The following RRP12 variants were observed in gnomAD, a reference collection of about 807,000 sequenced individuals.
The protein encoded by RRP12 is RRP12-like protein.
Under a neutral mutation model 157.3 loss-of-function variants are expected in RRP12, and 78 were observed. The ratio of observed to expected loss-of-function variants is 0.50; its 90% CI spans 0.41 to 0.60. RRP12 has a LOEUF of 0.60. Ranked by LOEUF, RRP12 falls within the 20% of genes least tolerant of loss-of-function variation. The pLI, the probability that RRP12 is intolerant of heterozygous loss-of-function variation, is 0.00. For synonymous variants in RRP12, 726 were observed against 670.9 expected (o/e 1.08, Z -1.27); for missense variants, 1,521 against 1,679.9 (o/e 0.91, Z 1.65).
chr10:97,377,678 A>C (rs1234219006), intron 15 of RRP12, among the ~76,000 whole-genome samples: 18 of 151,500 alleles, frequency 1.2e-4, no homozygotes, highest in Non-Finnish European at 1.9e-4. Context: ...AACCCCATCT[A>C]TACTAAAAAT....
chr10:97,372,117 C>T lies in RRP12; in HGVS notation c.2299G>A (p.Ala767Thr), dbSNP rs1420551918. Residue 767 changes from alanine (A) to threonine (T), a missense_variant, in exon 20 of 34, where the codon GCT (alanine) becomes ACT (threonine). Transcript: ENST00000370992. ...VVALAPCADE[A>T]AISKLYSTIR... ...GTGGAGTATAGCTTACTGATGGCAG[C>T]TTCGTCAGCACACGGAGCCAAGGCC... The T allele has an allele frequency of 6.2e-7, 1 of 1,613,652 alleles. No homozygotes were observed. Among genetic ancestry groups the T allele is most frequent in the African/African-American group, 1.3e-5 (1 of 74,932 alleles).
At chr10:97,360,420 T>C (rs1843811522) in intron 31 of RRP12, 126 bp downstream of exon 31, 1 of 744,426 alleles carries the variant, frequency 1.3e-6, no homozygotes, top group Non-Finnish European at 2.4e-6. Context: ...CCAACCTCTG[T>C]TGGTGCCAAG....
rs1421309742 is a variant in RRP12 at position 97,401,293 on chromosome 10, G to T, written c.-62C>A. On this transcript the variant is annotated 5_prime_UTR_variant, in exon 1 of 34. Transcript: ENST00000370992. ...CCGGCTTCCAGGGACGTAGAAACAC[G>T]CTCAGAACCCACGTGGATACCCTGT... 4.4e-6 allele frequency: 7 copies of T among 1,602,702 alleles called. No individual in the cohort carries two copies. The highest frequency in any genetic ancestry group is 2.7e-5 in the African/African-American group (2 of 74,702).
chr10:97,399,904 C>T (rs1314955401), intron 2 of RRP12, among the ~76,000 whole-genome samples: 2 of 152,040 alleles, frequency 1.3e-5, no homozygotes, highest in East Asian at 1.9e-4. Flanking sequence ...GCCAACAGAA[C>T]GAGACTCTGT....
intron 20 of RRP12, chr10:97,371,549 A>G (rs1173914289): frequency 5.1e-6 from 1 of 196,072 alleles, no homozygotes; most frequent in African/African-American, 2.3e-5. Context: ...GCCCCAGAGC[A>G]CTTCTCACAC....
At chr10:97,384,798 C>T (rs554396653) in intron 10 of RRP12, among the ~76,000 whole-genome samples, 87 of 150,512 alleles carry the variant, frequency 5.8e-4, no homozygotes, top group African/African-American at 2.0e-3. Flanking sequence ...GCAGCCTGGA[C>T]AGAGGCTCTG....
intron 29 of RRP12, chr10:97,365,907 A>G (rs775614799): frequency 2.8e-4 from 181 of 645,974 alleles, no homozygotes; most frequent in Non-Finnish European, 4.3e-4. Flanking sequence ...TAAGTTAAAT[A>G]TGTATTGTAT....
At chr10:97,371,924 C>T (rs1424297462) in intron 20 of RRP12, 149 bp downstream of exon 20, 2 of 601,908 alleles carry the variant, frequency 3.3e-6, no homozygotes, top group East Asian at 5.5e-5. Context: ...CTACACAGGA[C>T]ACAAAGAGAA....
intron 15 of RRP12, among the ~76,000 whole-genome samples, chr10:97,374,924 C>T (rs900132749): frequency 2.0e-5 from 3 of 151,914 alleles, no homozygotes; most frequent in Admixed American, 6.6e-5. Context: ...TCATTTAATC[C>T]TCACAAAACT....
intron 32 of RRP12, 88 bp from the exon 33 acceptor site, chr10:97,358,707 T>G: frequency 1.9e-6 from 2 of 1,041,720 alleles, no homozygotes; most frequent in South Asian, 1.3e-5. Context: ...ATAACCTCCC[T>G]TCATCCTCTG....
intron 8 of RRP12, 147 bp from the exon 9 acceptor site, chr10:97,386,140 C>T: frequency 1.7e-6 from 1 of 583,194 alleles, no homozygotes. Context: ...GGACTGCCAC[C>T]TTAGTAAGAC....
chr10:97,367,273 T>C, intron 25 of RRP12, 141 bp from the exon 26 acceptor site: 1 of 681,266 alleles, frequency 1.5e-6, no homozygotes, highest in Non-Finnish European at 2.5e-6. Flanking sequence ...GCCCACACCC[T>C]GGCCCAGTCA....
intron 2 of RRP12, among the ~76,000 whole-genome samples, chr10:97,398,926 A>G (rs1435495857): frequency 6.6e-6 from 1 of 152,216 alleles, no homozygotes; most frequent in Non-Finnish European, 1.5e-5. Context: ...TATACTGATT[A>G]TACATTGAAG....
At chr10:97,361,080 G>A (rs974094141) in intron 30 of RRP12, among the ~76,000 whole-genome samples, 14 of 152,134 alleles carry the variant, frequency 9.2e-5, no homozygotes, top group Non-Finnish European at 1.3e-4. Flanking sequence ...CAGGCCCTGG[G>A]GACACAGGGC....
Position 97,356,794 on chromosome 10 carries a change from A to C in RRP12, c.*300T>G. 3.3e-6 allele frequency: 1 copy of C among 300,300 alleles called. No individual in the cohort carries two copies. Among genetic ancestry groups the C allele is most frequent in the Non-Finnish European group, 6.1e-6 (1 of 163,990 alleles). The allele number at this position is 300,300 out of a possible 1,614,324, so 18.6% of individuals were successfully genotyped here. A position where few individuals can be genotyped will look rare whatever the true frequency, so the allele number is the denominator to read the frequency against. On this transcript the variant is annotated 3_prime_UTR_variant, in exon 34 of 34. Coordinates refer to ENST00000370992, the MANE Select transcript of RRP12 (RefSeq NM_015179.4). ...CACGTGGCTACAGGCAGCTGGCGGA[A>C]ATGGAGATCATCTGTTCTGGTGCTC...
At chr10:97,380,220 T>G (rs566110688) in intron 13 of RRP12, among the ~76,000 whole-genome samples, 3 of 152,286 alleles carry the variant, frequency 2.0e-5, no homozygotes, top group South Asian at 2.1e-4. Flanking sequence ...GGCCTCTTGA[T>G]GGAGACCCTG....
At chr10:97,395,148 CA>C (rs1844920296) in intron 3 of RRP12, among the ~76,000 whole-genome samples, 2 of 151,046 alleles carry the variant, frequency 1.3e-5, no homozygotes, top group South Asian at 4.2e-4. Context: ...GTCTCCAAAA[CA>C]AAACAAACAA....
chr10:97,385,814 C>T (rs950636583), intron 9 of RRP12, 81 bp downstream of exon 9: 15 of 1,020,012 alleles, frequency 1.5e-5, no homozygotes, highest in South Asian at 6.9e-5. Flanking sequence ...GTAGACAAGG[C>T]GCAGGGCCAG....
intron 17 of RRP12, 127 bp from the exon 18 acceptor site, chr10:97,373,327 G>A (rs1844212095): frequency 4.6e-6 from 5 of 1,082,590 alleles, no homozygotes; most frequent in Non-Finnish European, 6.5e-6. Flanking sequence ...TGGGTTTGGG[G>A]CTCTCTGTGG....
Sources: allele counts gnomAD v4.1 joint callset (sites outside exome capture counted in the v4.1 genomes callset), GRCh38; gene constraint gnomAD v4.1.1; transcripts MANE v1.5; gene names NCBI Gene and HGNC (gene_info 2026-07-23, HGNC 2026-07-21).